Variants in COPS2 observed in about 807,000 individuals in gnomAD.
COPS2 encodes COP9 signalosome subunit 2, also known as COP9 signalosome complex subunit 2.
COPS2 carries 10 observed loss-of-function variants against 66.1 expected under a neutral mutation model. The ratio of observed to expected loss-of-function variants is 0.15; its 90% CI spans 0.09 to 0.26. COPS2 has a LOEUF of 0.26. Among genes scored for constraint, COPS2 ranks in the 10% least tolerant of loss-of-function variants. The pLI, the probability that COPS2 is intolerant of heterozygous loss-of-function variation, is 1.00. For synonymous variants in COPS2, 179 were observed against 171.3 expected (o/e 1.04, Z -0.35); for missense variants, 215 against 513.3 (o/e 0.42, Z 5.62).
At position 49,127,910 on chromosome 15, in the gene COPS2, C is replaced by T; in HGVS notation, c.*40G>A. On this transcript the variant is annotated 3_prime_UTR_variant, in exon 13 of 13. Transcript: ENST00000388901. The stretch of plus-strand genomic sequence containing the variant: ...AGTTCTTTTAAGGATTACATCTCTG[C>T]ACTGTTGCCTTAAGGACGTCTGTAA... The T allele has an allele frequency of 6.2e-7, 1 of 1,606,610 alleles. No homozygotes were observed. Among genetic ancestry groups the T allele is most frequent in the East Asian group, 2.2e-5 (1 of 44,804 alleles).
rs570501867 is a variant in COPS2, at chr15:49,125,987, G to C, written c.*1963C>G. On this transcript the variant is annotated 3_prime_UTR_variant, in exon 13 of 13. Coordinates refer to ENST00000388901, the MANE Select transcript of COPS2 (RefSeq NM_004236.4). ...ATTCCATCAACTCAAAAGTTAAGAA[G>C]GGCTTTAGCTTTCAAGGGTTATCAC... 6.6e-6 allele frequency: 1 copy of C among 152,208 alleles called. No individual in the cohort carries two copies. The highest frequency in any genetic ancestry group is 1.5e-5 in the Non-Finnish European group (1 of 67,938). The allele number at this position is 152,208 out of a possible 1,614,324, so 9.4% of individuals were successfully genotyped here. A position where few individuals can be genotyped will look rare whatever the true frequency, so the allele number is the denominator to read the frequency against.
chr15:49,128,805 T>G (rs180697425), intron 11 of COPS2, 45 bp from the exon 12 acceptor site: 4 of 1,240,150 alleles, frequency 3.2e-6, no homozygotes, highest in Non-Finnish European at 4.6e-6. Context: ...TTTTAAAGAC[T>G]TCATAATTTT....
At position 49,145,546 on chromosome 15, in the gene COPS2, A is replaced by G. The variant is rs73390309; in HGVS notation, c.55-468T>C. On this transcript the variant is annotated intron_variant, in intron 1 of 12. Coordinates refer to ENST00000388901, the MANE Select transcript of COPS2 (RefSeq NM_004236.4). Reference sequence around the variant, plus strand: ...ACGGTTTAAAACCAGCTAGGATGGTAATCTACACATGGCAAAGTCATCTAG... The same window carrying G: ...ACGGTTTAAAACCAGCTAGGATGGTGATCTACACATGGCAAAGTCATCTAG... 1.0e-2 allele frequency among the ~76,000 whole-genome samples: 1,516 copies of G among 152,056 alleles called. 20 individuals are homozygous for G. Among genetic ancestry groups the G allele is most frequent in the African/African-American group, 0.035 (1,456 of 41,470 alleles).
intron 3 of COPS2, 97 bp downstream of exon 3, chr15:49,144,130 G>A (rs2084306642): frequency 1.3e-6 from 1 of 798,618 alleles, no homozygotes; most frequent in Non-Finnish European, 2.1e-6. Context: ...CACATCCAAA[G>A]AAGTACTTTA....
intron 11 of COPS2, among the ~76,000 whole-genome samples, chr15:49,129,179 C>G (rs556970763): frequency 6.5e-4 from 99 of 152,086 alleles, no homozygotes; most frequent in Admixed American, 3.4e-3. Flanking sequence ...AGCCCAGTCC[C>G]AGCTACTCAG....
intron 1 of COPS2, among the ~76,000 whole-genome samples, chr15:49,150,931 T>C (rs1471059948): frequency 6.6e-6 from 1 of 152,122 alleles, no homozygotes; most frequent in East Asian, 1.9e-4. Flanking sequence ...ATAAAACTGC[T>C]ATATATTAAG....
rs2084168894 is a variant in COPS2 at position 49,126,585 on chromosome 15, AAAT to A, written c.*1362_*1364del. ...CCTAGTTCTTCCTTTCGACACTATA[AAAT>A]AATGTGAACTTTTTAAAAAATGAAA... On this transcript the variant is annotated 3_prime_UTR_variant, in exon 13 of 13. Transcript: ENST00000388901. 1 of 152,418 alleles carries A rather than the reference AAAT, an allele frequency of 6.6e-6. No homozygotes were observed. The highest frequency in any genetic ancestry group is 1.5e-5 in the Non-Finnish European group (1 of 67,926). 9.4% of individuals were successfully genotyped at this position (152,418 alleles called of 1,614,324 possible).
At chr15:49,153,160 A>T (rs1045568110) in intron 1 of COPS2, among the ~76,000 whole-genome samples, 1 of 152,220 alleles carries the variant, frequency 6.6e-6, no homozygotes, top group African/African-American at 2.4e-5. Context: ...GCATGGTGGC[A>T]CGTGCCAGTA....
chr15:49,128,655 A>C (rs537867389), intron 12 of COPS2, 47 bp downstream of exon 12: 20 of 1,360,282 alleles, frequency 1.5e-5, no homozygotes, highest in Non-Finnish European at 2.0e-5. Flanking sequence ...ATTATTCAAA[A>C]CTTACGGTAC....
chr15:49,129,744 T>C (rs555833831), intron 10 of COPS2, among the ~76,000 whole-genome samples, 185 bp from the exon 11 acceptor site: 2 of 152,270 alleles, frequency 1.3e-5, no homozygotes, highest in African/African-American at 4.8e-5. Context: ...GCCTATCCCA[T>C]AATTTCTTGT....
At chr15:49,152,618 T>C (rs578230861) in intron 1 of COPS2, among the ~76,000 whole-genome samples, 109 of 152,128 alleles carry the variant, frequency 7.2e-4, no homozygotes, top group African/African-American at 2.5e-3. Flanking sequence ...GGTCAGGAGT[T>C]CAAGACCAGT....
chr15:49,153,948 A>C (rs911282250), intron 1 of COPS2, among the ~76,000 whole-genome samples: 5 of 152,198 alleles, frequency 3.3e-5, no homozygotes, highest in African/African-American at 1.2e-4. Flanking sequence ...GTTAGATAGA[A>C]GGAGTAAGTT....
At chr15:49,147,725 CAAAA>C (rs34315247) in intron 1 of COPS2, among the ~76,000 whole-genome samples, 9 of 94,800 alleles carry the variant, frequency 9.5e-5, no homozygotes, top group African/African-American at 3.5e-4. Context: ...GTTACAACTC[CAAAA>C]AAAAAAAAAA....
Position 49,137,153 on chromosome 15 carries a change from G to A in COPS2, c.537C>T (p.Cys179=). 6.3e-7 allele frequency: 1 copy of A among 1,584,752 alleles called. No individual in the cohort carries two copies. Among genetic ancestry groups the A allele is most frequent in the Non-Finnish European group, 8.6e-7 (1 of 1,165,418 alleles). The change falls in exon 6 of 13, where the codon TGC becomes TGT. Residue 179 remains cysteine (C), a synonymous_variant. Transcript: ENST00000388901. ...GAAAAAAATAAGGGAAAGCTACCTG[G>A]CACGACTGATGTAACTGGCGTAAAA... ...QKILRQLHQS[C]QTDDGEDDLK...
At chr15:49,137,520 G>T in intron 4 of COPS2, 83 bp from the exon 5 acceptor site, 1 of 986,276 alleles carries the variant, frequency 1.0e-6, no homozygotes, top group Non-Finnish European at 1.6e-6. Context: ...AACTAAAAGT[G>T]CATCTTTGAA....
Position 49,127,801 on chromosome 15 carries a change from C to A in COPS2, c.*149G>T. The A allele has an allele frequency of 1.2e-6, 1 of 805,400 alleles. No individual in the cohort carries two copies. Among genetic ancestry groups the A allele is most frequent in the South Asian group, 2.3e-5 (1 of 43,166 alleles). The allele number at this position is 805,400 out of a possible 1,614,324, so 49.9% of individuals were successfully genotyped here. On this transcript the variant is annotated 3_prime_UTR_variant, in exon 13 of 13. Transcript: ENST00000388901. ...TTGGGATAAATGCAGCAGCAAAACA[C>A]AAACCAGTTGATCAAAAAAGCACTT...
intron 9 of COPS2, among the ~76,000 whole-genome samples, chr15:49,133,128 A>C (rs1367855121): frequency 6.6e-6 from 1 of 151,488 alleles, no homozygotes; most frequent in East Asian, 1.9e-4. Context: ...AGCTGAGACT[A>C]CAGGCGCCTG....
intron 1 of COPS2, among the ~76,000 whole-genome samples, chr15:49,153,019 A>T (rs694882): frequency 6.6e-6 from 1 of 151,864 alleles, no homozygotes; most frequent in African/African-American, 2.4e-5. Flanking sequence ...AAAGATGATC[A>T]TCAGCTTGAT....
intron 9 of COPS2, among the ~76,000 whole-genome samples, chr15:49,131,203 G>C (rs1384547330): frequency 6.6e-6 from 1 of 151,906 alleles, no homozygotes; most frequent in African/African-American, 2.4e-5. Context: ...ATAATGAAAG[G>C]AACCAGGCTT....
Sources: gnomAD v4.1 joint callset for allele counts (sites outside exome capture counted in the v4.1 genomes callset) on GRCh38, gnomAD v4.1.1 for gene constraint, MANE v1.5 for transcripts, NCBI Gene and HGNC (gene_info 2026-07-23, HGNC 2026-07-21) for gene names.